DLGAP1: variants seen among roughly 807,000 people sequenced by gnomAD.
The protein encoded by DLGAP1 is disks large-associated protein 1.
In DLGAP1, 11 loss-of-function variants were observed where a neutral mutation model predicts 90.8. The ratio of observed to expected loss-of-function variants is 0.12; its 90% CI spans 0.08 to 0.20. The LOEUF is 0.20. Ranked by LOEUF, DLGAP1 falls within the 10% of genes least tolerant of loss-of-function variation. The pLI is 1.00. For synonymous variants in DLGAP1, 558 were observed against 540.7 expected (o/e 1.03, Z -0.44); for missense variants, 1,050 against 1,333.8 (o/e 0.79, Z 3.31).
intron 3 of DLGAP1, among the ~76,000 whole-genome samples, chr18:3,950,515 A>G (rs1410981822): frequency 3.3e-5 from 5 of 152,234 alleles, no homozygotes; most frequent in African/African-American, 1.2e-4. Flanking sequence ...CCTGAGGGCA[A>G]GGACTGTTTC....
intron 4 of DLGAP1, among the ~76,000 whole-genome samples, chr18:3,869,618 C>T (rs148069419): frequency 5.3e-5 from 8 of 152,274 alleles, no homozygotes; most frequent in South Asian, 4.1e-4. Flanking sequence ...AAGCTTTCTG[C>T]GTTTAGTCGG....
chr18:4,040,768 G>A (rs1393836495), intron 2 of DLGAP1, among the ~76,000 whole-genome samples: 1 of 152,182 alleles, frequency 6.6e-6, no homozygotes, highest in African/African-American at 2.4e-5. Context: ...ACAAGCATAG[G>A]ACTAGAATCT....
intron 1 of DLGAP1, among the ~76,000 whole-genome samples, chr18:4,290,047 T>C (rs1056639692): frequency 1.3e-5 from 2 of 152,202 alleles, no homozygotes; most frequent in African/African-American, 4.8e-5. Context: ...AGTTATTTTA[T>C]AGAAGTGCTA....
chr18:3,837,883 T>TAAAAAAAAAA (rs2068492632), intron 4 of DLGAP1, among the ~76,000 whole-genome samples: 2 of 63,064 alleles, frequency 3.2e-5, no homozygotes, highest in Non-Finnish European at 3.2e-5. Flanking sequence ...AAAAAAAAAG[T>TAAAAAAAAAA]CAGGGACAAG....
At chr18:3,638,246 C>T (rs1184771957) in intron 7 of DLGAP1, among the ~76,000 whole-genome samples, 1 of 126,008 alleles carries the variant, frequency 7.9e-6, no homozygotes, top group Non-Finnish European at 1.6e-5. Flanking sequence ...CGTGCCCGGC[C>T]CTTTTTTTTT....
At chr18:3,935,766 TCA>T (rs1312240630) in intron 3 of DLGAP1, among the ~76,000 whole-genome samples, 1 of 152,200 alleles carries the variant, frequency 6.6e-6, no homozygotes, top group African/African-American at 2.4e-5. Context: ...ACTGTCATGA[TCA>T]GAGAAGTTGA....
intron 2 of DLGAP1, among the ~76,000 whole-genome samples, chr18:4,013,325 G>T (rs2074462032): frequency 6.6e-6 from 1 of 152,204 alleles, no homozygotes; most frequent in African/African-American, 2.4e-5. Flanking sequence ...TAAGGAAACT[G>T]AGGCACAGGG....
chr18:3,728,570 G>A (rs965756053), intron 7 of DLGAP1, among the ~76,000 whole-genome samples: 3 of 152,186 alleles, frequency 2.0e-5, no homozygotes, highest in Admixed American at 2.0e-4. Flanking sequence ...ATAGATCGAA[G>A]TTTTAAAATA....
Position 4,131,177 on chromosome 18 carries a change from C to T in DLGAP1, c.-159+20003G>A, listed in dbSNP as rs568725336. 2.0e-4 allele frequency among the ~76,000 whole-genome samples: 30 copies of T among 151,980 alleles called. No homozygotes were observed. In the East Asian group the frequency reaches 5.8e-3, roughly 29 times the overall value. ...ACCGTTATTGTCTCCAGTTTATGAG[C>T]TTCAGGAAAAAAACGTGGGCGTGTG... On this transcript the variant is annotated intron_variant, in intron 2 of 12. Transcript: ENST00000315677.
At chr18:3,845,652 C>T in intron 4 of DLGAP1, 1 of 964,258 alleles carries the variant, frequency 1.0e-6, no homozygotes, top group Non-Finnish European at 1.2e-6. Context: ...ACTTTGCAGC[C>T]CATATAGGGG....
At chr18:4,045,618 CA>C (rs1316839691) in intron 2 of DLGAP1, among the ~76,000 whole-genome samples, 1 of 150,992 alleles carries the variant, frequency 6.6e-6, no homozygotes, top group East Asian at 1.9e-4. Flanking sequence ...AACAAACAAA[CA>C]AAAAAACCCA....
intron 2 of DLGAP1, among the ~76,000 whole-genome samples, chr18:4,088,429 TTGTGTGTGTG>T (rs35217865): frequency 1.3e-5 from 2 of 148,346 alleles, no homozygotes; most frequent in African/African-American, 2.6e-5. Flanking sequence ...TAATTTTCCT[TTGTGTGTGTG>T]TGTGTGTGTG....
intron 1 of DLGAP1, among the ~76,000 whole-genome samples, chr18:4,275,975 G>A (rs1364165331): frequency 6.6e-6 from 1 of 151,914 alleles, no homozygotes; most frequent in South Asian, 2.1e-4. Context: ...GAGTTTACAA[G>A]GGAAAGAGAA....
intron 1 of DLGAP1, among the ~76,000 whole-genome samples, chr18:4,226,029 A>G (rs1306335694): frequency 1.3e-5 from 2 of 152,184 alleles, no homozygotes; most frequent in African/African-American, 4.8e-5. Context: ...TTAAAGAAAG[A>G]GTCCTAAAAG....
intron 6 of DLGAP1, among the ~76,000 whole-genome samples, chr18:3,732,909 C>A (rs1412542794): frequency 6.6e-6 from 1 of 151,950 alleles, no homozygotes; most frequent in East Asian, 1.9e-4. Context: ...TGTTCTTAGG[C>A]CTTTTCAGTG....
Position 3,763,913 on chromosome 18 carries a change from C to T in DLGAP1, c.1173-21401G>A, listed in dbSNP as rs544178967. 2.4e-3 allele frequency among the ~76,000 whole-genome samples: 371 copies of T among 152,296 alleles called. 2 individuals carry two copies. Among genetic ancestry groups the T allele is most frequent in the African/African-American group, 8.6e-3 (357 of 41,550 alleles). On this transcript the variant is annotated intron_variant, in intron 5 of 12. Coordinates refer to ENST00000315677, the MANE Select transcript of DLGAP1 (RefSeq NM_004746.4). Reference sequence around the variant, plus strand: ...CTGACCTCAGGTGATCCACCCATCTCGGCCTCCCAAAGTGCTGGGATTACA... The same window carrying T: ...CTGACCTCAGGTGATCCACCCATCTTGGCCTCCCAAAGTGCTGGGATTACA...
intron 1 of DLGAP1, among the ~76,000 whole-genome samples, chr18:4,451,110 G>A (rs2083815881): frequency 6.6e-6 from 1 of 152,178 alleles, no homozygotes; most frequent in African/African-American, 2.4e-5. Context: ...AATAATGGAT[G>A]AAGATAACCC....
At position 3,778,929 on chromosome 18, in the gene DLGAP1, A is replaced by G. The variant is rs1057514970; in HGVS notation, c.1172+35130T>C. 2.6e-5 allele frequency among the ~76,000 whole-genome samples: 4 copies of G among 152,240 alleles called. No individual in the cohort carries two copies. In the South Asian group the frequency reaches 6.2e-4, roughly 24 times the overall value. ...CTTGTAAGTCACGTGGCGTTTATAC[A>G]GGGAACTGCAGAGGCATGCAAAACC... is the stretch of plus-strand genomic sequence containing the variant. On this transcript the variant is annotated intron_variant, in intron 5 of 12. Coordinates refer to ENST00000315677, the MANE Select transcript of DLGAP1 (RefSeq NM_004746.4).
chr18:4,000,839 C>A (rs559442557), intron 3 of DLGAP1, among the ~76,000 whole-genome samples: 1 of 152,174 alleles, frequency 6.6e-6, no homozygotes, highest in Admixed American at 6.5e-5. Flanking sequence ...CCAAAAAAAC[C>A]TTTTTTCTTT....
Sources: gnomAD v4.1 joint callset for allele counts (sites outside exome capture counted in the v4.1 genomes callset) on GRCh38, gnomAD v4.1.1 for gene constraint, MANE v1.5 for transcripts, NCBI Gene and HGNC (gene_info 2026-07-23, HGNC 2026-07-21) for gene names.